FBXO25: variants seen among roughly 807,000 people sequenced by gnomAD.
FBXO25 encodes the protein F-box protein 25.
In FBXO25, 45 loss-of-function variants were observed where a neutral mutation model predicts 51.9. The ratio of observed to expected loss-of-function variants is 0.87; its 90% CI spans 0.68 to 1.11. FBXO25 has a LOEUF of 1.11. Ranked by LOEUF, FBXO25 falls within the 50% of genes most tolerant of loss-of-function variation. The pLI is 0.00. For synonymous variants in FBXO25, 199 were observed against 151.0 expected (o/e 1.32, Z -2.33); for missense variants, 507 against 428.5 (o/e 1.18, Z -1.62).
rs1175153688 is a variant in FBXO25, at chr8:469,250, T to C, written c.*446T>C. ...CATTGTACAGAATATTTATTTTTTCTCAAAATGCATTTTAACTACTACATT... is the reference window on the plus strand; with the variant it reads ...CATTGTACAGAATATTTATTTTTTCCCAAAATGCATTTTAACTACTACATT... On this transcript the variant is annotated 3_prime_UTR_variant, in exon 10 of 10. Transcript: ENST00000350302. 1 of 154,088 alleles carries C rather than the reference T, an allele frequency of 6.5e-6. No homozygotes were observed. The highest frequency in any genetic ancestry group is 1.4e-5 in the Non-Finnish European group (1 of 69,374). 9.5% of individuals were successfully genotyped at this position (154,088 alleles called of 1,614,324 possible).
rs1563087554 is a variant in FBXO25 at position 450,082 on chromosome 8, G to A, written c.474G>A (p.Lys158=). 3.1e-6 allele frequency: 5 copies of A among 1,603,486 alleles called. No individual in the cohort carries two copies. Among genetic ancestry groups the A allele is most frequent in the East Asian group, 2.2e-5 (1 of 44,740 alleles). ...ACATTTTGGATAAAATCGTTCAAAA[G>A]GGTAAGATGATCACTGTATTTTTAA... ...YFNILDKIVQ[K]VLDDHHNPRL... is the part of the protein sequence containing the mutation. The change falls in exon 6 of 10, where the codon AAG becomes AAA. Residue 158 remains lysine (K), a splice_region_variant and synonymous_variant. Transcript: ENST00000350302.
Position 454,890 on chromosome 8 carries a change from C to CA in FBXO25, c.660+3444dup, listed in dbSNP as rs376342237. Among the ~76,000 whole-genome samples the CA allele has an allele frequency of 9.3e-4, 102 of 109,620 alleles. 2 individuals are homozygous for CA. The highest frequency in any genetic ancestry group is 4.0e-3 in the African/African-American group (93 of 23,284). The allele number at this position is 109,620 out of a possible 152,430, so 71.9% of individuals were successfully genotyped here. ...TGGGTGACAGAGGGAGACTCCATCT[C>CA]AAAAAAAGAAAAAGAAAAAGAAAAC... On this transcript the variant is annotated intron_variant, in intron 7 of 9. Coordinates refer to ENST00000350302, the MANE Select transcript of FBXO25 (RefSeq NM_183420.2).
chr8:454,660 G>C (rs560585638), intron 7 of FBXO25, among the ~76,000 whole-genome samples: 20 of 152,260 alleles, frequency 1.3e-4, no homozygotes, highest in African/African-American at 4.6e-4. Flanking sequence ...GGGAGGCCGA[G>C]GTGGGCAGAT....
chr8:454,076 A>T (rs1334047920), intron 7 of FBXO25, among the ~76,000 whole-genome samples: 1 of 152,122 alleles, frequency 6.6e-6, no homozygotes, highest in Non-Finnish European at 1.5e-5. Context: ...GTGAGCCGAG[A>T]TCGTGCCATT....
At chr8:430,707 T>A (rs907622027) in intron 2 of FBXO25, among the ~76,000 whole-genome samples, 7 of 152,324 alleles carry the variant, frequency 4.6e-5, no homozygotes, top group Admixed American at 6.5e-5. Flanking sequence ...GGTGTTTTTT[T>A]AAAAAGTAAA....
intron 6 of FBXO25, 129 bp from the exon 7 acceptor site, chr8:451,140 A>G (rs145238410): frequency 7.9e-5 from 54 of 686,906 alleles, no homozygotes; most frequent in African/African-American, 5.4e-4. Flanking sequence ...ATAATATTCT[A>G]TTGCATGTAT....
intron 2 of FBXO25, among the ~76,000 whole-genome samples, chr8:429,419 A>G (rs919344949): frequency 4.6e-5 from 7 of 152,168 alleles, no homozygotes; most frequent in Non-Finnish European, 8.8e-5. Context: ...TTTTTAAGTC[A>G]GAGTAGGTGA....
chr8:472,232 G>T lies in FBXO25; in HGVS notation c.*3428G>T, dbSNP rs1346228626. The stretch of plus-strand genomic sequence containing the variant: ...ACATACCCTCTATTAGGTTGGGGAG[G>T]TTCCCTTCTATTCCTAGTTTGTTTT... On this transcript the variant is annotated 3_prime_UTR_variant, in exon 10 of 10. Coordinates refer to ENST00000350302, the MANE Select transcript of FBXO25 (RefSeq NM_183420.2). The T allele has an allele frequency of 1.3e-5, 2 of 152,212 alleles. No individual in the cohort carries two copies. Among genetic ancestry groups the T allele is most frequent in the Non-Finnish European group, 2.9e-5 (2 of 68,032 alleles). The allele number at this position is 152,212 out of a possible 1,614,324, so 9.4% of individuals were successfully genotyped here.
rs371240803 is a variant in FBXO25, at chr8:430,521, C to G, written c.135-820C>G. Among the ~76,000 whole-genome samples the G allele has an allele frequency of 1.1e-4, 17 of 152,056 alleles. No homozygotes were observed. The South Asian group carries it at 3.1e-3, about 28-fold the overall frequency. On this transcript the variant is annotated intron_variant, in intron 2 of 9. Transcript: ENST00000350302. ...AATTTTCTTGTCAAAGAACGATGACCGGCAAATAAGCAATTTTAGTTCCTT... is the reference window on the plus strand; with the variant it reads ...AATTTTCTTGTCAAAGAACGATGACGGGCAAATAAGCAATTTTAGTTCCTT...
chr8:463,082 T>C lies in FBXO25; in HGVS notation c.919T>C (p.Tyr307His), dbSNP rs1274056324. 1.2e-5 allele frequency: 19 copies of C among 1,613,882 alleles called. No homozygotes were observed. The highest frequency in any genetic ancestry group is 1.5e-5 in the Non-Finnish European group (18 of 1,180,004). ...GATGTACTTTGCACTTCAGAAACAT[T>C]ACCCAGCGAAGGAGCAGTACGGAGA... ...KLMYFALQKH[Y>H]PAKEQYGDTL... is the part of the protein sequence containing the mutation. Residue 307 changes from tyrosine to histidine, a missense_variant, in exon 9 of 10, where the codon TAC becomes CAC. Physicochemically the swap from Tyr to His is moderately conservative, Grantham distance 83. Coordinates refer to ENST00000350302, the MANE Select transcript of FBXO25 (RefSeq NM_183420.2).
At chr8:413,987 C>T (rs1796645871) in intron 2 of FBXO25, among the ~76,000 whole-genome samples, 2 of 152,120 alleles carry the variant, frequency 1.3e-5, no homozygotes, top group African/African-American at 4.8e-5. Flanking sequence ...TTGAGATAGC[C>T]TCCTCTAGAA....
chr8:422,902 G>A (rs1434891123), intron 2 of FBXO25, among the ~76,000 whole-genome samples: 1 of 152,102 alleles, frequency 6.6e-6, no homozygotes, highest in African/African-American at 2.4e-5. Flanking sequence ...AGGTACACAG[G>A]TCAGGACTCC....
rs1213673955 is a variant in FBXO25 at position 476,819 on chromosome 8, A to G, written c.*8015A>G. The G allele has an allele frequency of 7.0e-6, 1 of 142,100 alleles. No individual in the cohort carries two copies. The highest frequency in any genetic ancestry group is 1.5e-5 in the Non-Finnish European group (1 of 66,594). The allele number at this position is 142,100 out of a possible 1,614,324, so 8.8% of individuals were successfully genotyped here. ...TGTCTCTGCTCTAATCTTTATTATT[A>G]TTATAATCATCTCCATTCTGCTGGC... On this transcript the variant is annotated 3_prime_UTR_variant, in exon 10 of 10. Coordinates refer to ENST00000350302, the MANE Select transcript of FBXO25 (RefSeq NM_183420.2).
At chr8:439,089 C>G (rs750696364) in intron 5 of FBXO25, among the ~76,000 whole-genome samples, 1 of 152,224 alleles carries the variant, frequency 6.6e-6, no homozygotes, top group Admixed American at 6.5e-5. Context: ...GCTGTAAACA[C>G]AGAGAGGGAG....
At chr8:447,682 A>G (rs1414777496) in intron 5 of FBXO25, among the ~76,000 whole-genome samples, 1 of 152,244 alleles carries the variant, frequency 6.6e-6, no homozygotes, top group East Asian at 1.9e-4. Flanking sequence ...ACAAGCCTAA[A>G]CATGAAATTC....
chr8:410,429 A>AT (rs202181356), intron 1 of FBXO25, among the ~76,000 whole-genome samples: 186 of 148,228 alleles, frequency 1.3e-3, no homozygotes, highest in African/African-American at 1.7e-3. Context: ...TATCCACTTG[A>AT]TTTTTTTTTT....
intron 6 of FBXO25, among the ~76,000 whole-genome samples, chr8:450,420 C>T (rs1554444355): frequency 6.6e-6 from 1 of 152,182 alleles, no homozygotes; most frequent in Non-Finnish European, 1.5e-5. Context: ...GACTTACTCA[C>T]TTAGGCATCA....
At position 475,530 on chromosome 8, in the gene FBXO25, T is replaced by C. The variant is rs1245524850; in HGVS notation, c.*6726T>C. On this transcript the variant is annotated 3_prime_UTR_variant, in exon 10 of 10. Coordinates refer to ENST00000350302, the MANE Select transcript of FBXO25 (RefSeq NM_183420.2). Reference sequence around the variant, plus strand: ...AGATTGCTTTGGACTATGGACATCTTAAGGTATCCAATCCATAAACACGGG... The same window carrying C: ...AGATTGCTTTGGACTATGGACATCTCAAGGTATCCAATCCATAAACACGGG... 6.6e-6 allele frequency: 1 copy of C among 152,376 alleles called. No homozygotes were observed. Among genetic ancestry groups the C allele is most frequent in the East Asian group, 1.9e-4 (1 of 5,202 alleles). 9.4% of individuals were successfully genotyped at this position (152,376 alleles called of 1,614,324 possible). A position where few individuals can be genotyped will look rare whatever the true frequency, so the allele number is the denominator to read the frequency against.
rs35419058 is a variant in FBXO25 at position 475,455 on chromosome 8, G to GA, written c.*6661dup. The GA allele has an allele frequency of 9.0e-4, 131 of 145,360 alleles. 1 individual carries two copies. The highest frequency in any genetic ancestry group is 5.3e-3 in the South Asian group (23 of 4,318). The allele number at this position is 145,360 out of a possible 1,614,324, so 9.0% of individuals were successfully genotyped here. ...GAGATTCCATATGAGTTTCAGGATG[G>GA]AAAAAAAAAAGCCACTGGGATATTC... is the stretch of plus-strand genomic sequence containing the variant. On this transcript the variant is annotated 3_prime_UTR_variant, in exon 10 of 10. Transcript: ENST00000350302.
Sources: allele counts gnomAD v4.1 joint callset (sites outside exome capture counted in the v4.1 genomes callset), GRCh38; gene constraint gnomAD v4.1.1; transcripts MANE v1.5; gene names NCBI Gene and HGNC (gene_info 2026-07-23, HGNC 2026-07-21).